Variants in FRAS1 observed in about 807,000 individuals in gnomAD.
FRAS1 encodes extracellular matrix organizing protein FRAS1.
A neutral mutation model predicts 435.2 loss-of-function variants in FRAS1; 290 were observed. The observed-to-expected ratio is 0.67, with a 90% CI of 0.61 to 0.73. FRAS1 has a LOEUF of 0.73. Among genes scored for constraint, FRAS1 ranks in the 30% least tolerant of loss-of-function variants. The pLI is 0.00. For synonymous variants in FRAS1, 1,800 were observed against 1,851.0 expected, an observed-to-expected ratio of 0.97 and a Z score of 0.71; for missense variants, 4,860 against 5,001.5, an observed-to-expected ratio of 0.97 and a Z score of 0.85.
Position 78,539,312 on chromosome 4 carries a change from G to A in FRAS1, c.11317G>A (p.Val3773Ile), listed in dbSNP as rs150567662. The A allele has an allele frequency of 3.7e-6, 6 of 1,607,582 alleles. No homozygotes were observed. Among genetic ancestry groups the A allele is most frequent in the South Asian group, 1.1e-5 (1 of 89,192 alleles). ...FLLLDRNQPE[V>I]TDKYFHDVPF... ...ATCCTAGGACCGCAATCAGCCAGAG[G>A]TAACTGATAAGTACTTCCATGATGT... Residue 3773 changes from valine to isoleucine, a missense_variant, in exon 73 of 74, where the codon GTA (valine) becomes ATA (isoleucine). By Grantham distance (29) the Val-to-Ile change is conservative. Coordinates refer to ENST00000512123, the MANE Select transcript of FRAS1 (RefSeq NM_025074.7).
intron 29 of FRAS1, among the ~76,000 whole-genome samples, chr4:78,395,404 G>A (rs189954625): frequency 2.8e-4 from 42 of 152,002 alleles, no homozygotes; most frequent in African/African-American, 7.2e-4. Context: ...TCAAGTCCTC[G>A]ATTTCTTTAT....
rs201949970 is a variant in FRAS1 at position 78,237,562 on chromosome 4, A to T, written c.161A>T (p.Asp54Val). The T allele has an allele frequency of 1.2e-6, 2 of 1,613,136 alleles. No individual in the cohort carries two copies. Among genetic ancestry groups the T allele is most frequent in the Non-Finnish European group, 1.7e-6 (2 of 1,179,540 alleles). Reference protein sequence around the residue: ...DSCQSCRCHGDIVICKPAVCR... With the variant: ...DSCQSCRCHGVIVICKPAVCR... The stretch of plus-strand genomic sequence containing the variant: ...TGCCAGAGCTGCCGTTGCCATGGTG[A>T]TATTGTTATCTGCAAACCTGCTGTT... Residue 54 changes from aspartate (D) to valine (V), a missense_variant, in exon 3 of 74, where the codon GAT (aspartate) becomes GTT (valine). Asp to Val is a radical substitution (Grantham distance 152). Transcript: ENST00000512123.
chr4:78,434,687 G>C (rs1312013264), intron 38 of FRAS1, among the ~76,000 whole-genome samples: 1 of 151,902 alleles, frequency 6.6e-6, no homozygotes, highest in Non-Finnish European at 1.5e-5. Flanking sequence ...AATTTATCAA[G>C]GAGCCAGATA....
intron 38 of FRAS1, 63 bp downstream of exon 38, chr4:78,432,667 G>A (rs562031390): frequency 8.7e-6 from 13 of 1,490,406 alleles, no homozygotes; most frequent in South Asian, 4.4e-5. Flanking sequence ...GGCAGACTGG[G>A]CAGCAATGCC....
chr4:78,204,361 G>A (rs1364239887), intron 2 of FRAS1, among the ~76,000 whole-genome samples: 1 of 152,218 alleles, frequency 6.6e-6, no homozygotes. Flanking sequence ...GTGCAGTCAT[G>A]TTATAGAACT....
Position 78,308,071 on chromosome 4 carries a change from C to T in FRAS1, c.1540C>T (p.His514Tyr). Residue 514 changes from histidine (H) to tyrosine (Y), a missense_variant, in exon 15 of 74, where the codon CAT (histidine) becomes TAT (tyrosine). Transcript: ENST00000512123. ...YQDRHSCAVC[H>Y]ESCAGCWGPT... The stretch of plus-strand genomic sequence containing the variant: ...ATTTTGCTATTCGTCTGCAGTCTGC[C>T]ATGAGTCCTGTGCAGGTTGCTGGGG... 2 of 1,605,746 alleles carry T rather than the reference C, an allele frequency of 1.2e-6. No homozygotes were observed. Among genetic ancestry groups the T allele is most frequent in the Non-Finnish European group, 1.7e-6 (2 of 1,174,658 alleles).
chr4:78,279,207 A>C (rs1292699211), intron 10 of FRAS1, among the ~76,000 whole-genome samples: 2 of 152,218 alleles, frequency 1.3e-5, no homozygotes, highest in African/African-American at 4.8e-5. Context: ...AGGAAATGCA[A>C]AGGCACTGAG....
chr4:78,058,125 TGC>T, intron 1 of FRAS1, 40 bp downstream of exon 1: 2 of 1,501,768 alleles, frequency 1.3e-6, no homozygotes, highest in Non-Finnish European at 1.8e-6. Flanking sequence ...TGTGTGCGTG[TGC>T]GTGTGTGTGT....
intron 2 of FRAS1, among the ~76,000 whole-genome samples, chr4:78,084,867 T>G (rs1256432845): frequency 1.3e-5 from 2 of 152,134 alleles, no homozygotes; most frequent in African/African-American, 4.8e-5. Context: ...CATATTTCCT[T>G]TTAAAGAGAA....
intron 2 of FRAS1, among the ~76,000 whole-genome samples, chr4:78,188,068 G>C (rs1722350040): frequency 6.6e-6 from 1 of 152,170 alleles, no homozygotes; most frequent in Non-Finnish European, 1.5e-5. Context: ...TTAACGAGAG[G>C]TAGAATTTGT....
At chr4:78,474,371 A>G (rs1719800748) in intron 53 of FRAS1, among the ~76,000 whole-genome samples, 4 of 152,206 alleles carry the variant, frequency 2.6e-5, no homozygotes, top group African/African-American at 9.7e-5. Context: ...TCAGAGACTC[A>G]CTATCCAAGA....
chr4:78,486,932 G>A (rs980010769), intron 58 of FRAS1, among the ~76,000 whole-genome samples: 3 of 150,900 alleles, frequency 2.0e-5, no homozygotes, highest in African/African-American at 7.3e-5. Flanking sequence ...GGAATTTGGA[G>A]TTGATTAATG....
chr4:78,059,126 G>A (rs1439967905), intron 1 of FRAS1, among the ~76,000 whole-genome samples: 2 of 152,180 alleles, frequency 1.3e-5, no homozygotes, highest in African/African-American at 4.8e-5. Context: ...GGCGGCGGCG[G>A]GCGCAGGGCG....
chr4:78,141,591 C>T (rs1720184500), intron 2 of FRAS1, among the ~76,000 whole-genome samples: 1 of 152,088 alleles, frequency 6.6e-6, no homozygotes, highest in Non-Finnish European at 1.5e-5. Context: ...GGTTGAGAGG[C>T]TCAGAAACTG....
chr4:78,361,776 A>C (rs937995033), intron 20 of FRAS1, among the ~76,000 whole-genome samples: 1 of 152,212 alleles, frequency 6.6e-6, no homozygotes, highest in Non-Finnish European at 1.5e-5. Flanking sequence ...TTTTGGGGCC[A>C]TGGGTGGTGC....
intron 2 of FRAS1, among the ~76,000 whole-genome samples, chr4:78,095,129 G>A (rs145996830): frequency 1.6e-4 from 24 of 152,242 alleles, no homozygotes; most frequent in Non-Finnish European, 2.5e-4. Context: ...AAACTTGTCC[G>A]GTTGACTGGA....
intron 19 of FRAS1, 128 bp from the exon 20 acceptor site, chr4:78,337,546 C>G: frequency 8.7e-7 from 1 of 1,144,008 alleles, no homozygotes; most frequent in East Asian, 2.4e-5. Context: ...CCGGCTTGCT[C>G]AGGAATCTTC....
chr4:78,464,308 G>T, intron 48 of FRAS1, 135 bp from the exon 49 acceptor site: 1 of 1,392,510 alleles, frequency 7.2e-7, no homozygotes. Flanking sequence ...TTGCCCAAGA[G>T]GACTCACTCT....
intron 26 of FRAS1, chr4:78,379,363 C>A: frequency 4.6e-6 from 1 of 217,580 alleles, no homozygotes; most frequent in South Asian, 8.5e-5. Context: ...TTAGGAATGG[C>A]CTACTCCAGC....
Sources: gnomAD v4.1 joint callset for allele counts (sites outside exome capture counted in the v4.1 genomes callset) on GRCh38, gnomAD v4.1.1 for gene constraint, MANE v1.5 for transcripts, NCBI Gene and HGNC (gene_info 2026-07-23, HGNC 2026-07-21) for gene names.